MRPL49: variants seen among roughly 807,000 people sequenced by gnomAD.
MRPL49 encodes large ribosomal subunit protein mL49.
A neutral mutation model predicts 18.4 loss-of-function variants in MRPL49; 14 were observed. The ratio of observed to expected loss-of-function variants is 0.76; its 90% CI spans 0.50 to 1.19. The LOEUF is 1.19. Among genes scored for constraint, MRPL49 ranks in the 50% most tolerant of loss-of-function variants. The pLI is 0.00. For synonymous variants in MRPL49, 104 were observed against 86.2 expected, an observed-to-expected ratio of 1.21 and a Z score of -1.14; for missense variants, 190 against 217.8, an observed-to-expected ratio of 0.87 and a Z score of 0.80.
intron 1 of MRPL49, among the ~76,000 whole-genome samples, chr11:65,123,743 TAAAA>T (rs1948075396): frequency 6.6e-6 from 1 of 151,846 alleles, no homozygotes; most frequent in African/African-American, 2.4e-5. Context: ...AAAAAAATAA[TAAAA>T]ATAAATAAAG....
At chr11:65,122,555 G>C in intron 1 of MRPL49, 131 bp downstream of exon 1, 1 of 792,282 alleles carries the variant, frequency 1.3e-6, no homozygotes, top group Non-Finnish European at 2.0e-6. Flanking sequence ...AGGAGAACTT[G>C]TCCCGAGTGT....
rs758485139 is a variant in MRPL49 at position 65,124,565 on chromosome 11, G to T, written c.142G>T (p.Val48Leu). Residue 48 changes from valine (V) to leucine (L), a missense_variant, in exon 2 of 4, where the codon GTG (valine) becomes TTG (leucine). Physicochemically the swap from Val to Leu is conservative, Grantham distance 32 (BLOSUM62 1). Coordinates refer to ENST00000279242, the MANE Select transcript of MRPL49 (RefSeq NM_004927.4). Reference protein sequence around the residue: ...FVESVDEYQFVERLLPATRIP... With the variant: ...FVESVDEYQFLERLLPATRIP... ...GGAGTCTGTGGATGAATATCAGTTT[G>T]TGGAGCGCCTGTTACCGGCTACCAG... The T allele has an allele frequency of 3.1e-6, 5 of 1,614,078 alleles. No homozygotes were observed. The Admixed American group carries it at 8.3e-5, about 27-fold the overall frequency.
At chr11:65,122,465 G>A (rs1433452601) in intron 1 of MRPL49, 41 bp downstream of exon 1, 1 of 1,570,404 alleles carries the variant, frequency 6.4e-7, no homozygotes, top group South Asian at 1.1e-5. Flanking sequence ...TCGCGTGGGT[G>A]TGAGGCTCAG....
Position 65,126,694 on chromosome 11 carries a change from TAC to T in MRPL49, c.*824_*825del. 1 of 363,654 alleles carries T rather than the reference TAC, an allele frequency of 2.7e-6. No individual in the cohort carries two copies. 22.5% of individuals were successfully genotyped at this position (363,654 alleles called of 1,614,324 possible). ...GGTCTTGGAGATCTTCTGTTCAAAG[TAC>T]AGTGCTGGCACTGGGGCACAGAGTG... On this transcript the variant is annotated 3_prime_UTR_variant, in exon 4 of 4. Coordinates refer to ENST00000279242, the MANE Select transcript of MRPL49 (RefSeq NM_004927.4).
chr11:65,125,353 C>A, intron 2 of MRPL49, 135 bp from the exon 3 acceptor site: 1 of 1,120,302 alleles, frequency 8.9e-7, no homozygotes. Flanking sequence ...AAGAGGAGAC[C>A]CCCTGACCTA....
rs1948095411 is a variant in MRPL49, at chr11:65,125,809, CCTACGGATCAAGGG to C, written c.443_456del (p.Arg148LeufsTer2). Reference sequence around the variant, plus strand: ...CCCAGGTCAATGAGGTGACAGGTACCCTACGGATCAAGGGCTACTTTGACCAGGAGCTTAAAGCC... The same window carrying C: ...CCCAGGTCAATGAGGTGACAGGTACCCTACTTTGACCAGGAGCTTAAAGCC... On this transcript the variant is annotated frameshift_variant, in exon 4 of 4. Transcript: ENST00000279242. LOFTEE classifies it high-confidence loss of function. The C allele has an allele frequency of 5.0e-6, 8 of 1,612,678 alleles. No individual in the cohort carries two copies. The highest frequency in any genetic ancestry group is 1.3e-5 in the African/African-American group (1 of 74,868).
Position 65,122,321 on chromosome 11 carries a change from A to C in MRPL49, c.-26A>C, listed in dbSNP as rs780230031. ...GGGGCGGGACCAGACAGTTGCGCGC[A>C]CAGAAGGCTGGCGTAGCAGGTAAAG... On this transcript the variant is annotated 5_prime_UTR_variant, in exon 1 of 4. Coordinates refer to ENST00000279242, the MANE Select transcript of MRPL49 (RefSeq NM_004927.4). 6.2e-7 allele frequency: 1 copy of C among 1,608,506 alleles called. No homozygotes were observed. Among genetic ancestry groups the C allele is most frequent in the Non-Finnish European group, 8.5e-7 (1 of 1,177,928 alleles).
In MRPL49 at chr11:65,125,877, C is replaced by G; in HGVS notation, c.*5C>G. On this transcript the variant is annotated 3_prime_UTR_variant, in exon 4 of 4. Transcript: ENST00000279242. ...CTCTTGGAGAAAGGCTTCTGAGGCC[C>G]AGCCGAGCAGCCTGCTTGTCAGCAT... is the stretch of plus-strand genomic sequence containing the variant. 1 of 1,600,354 alleles carries G rather than the reference C, an allele frequency of 6.2e-7. No homozygotes were observed. Among genetic ancestry groups the G allele is most frequent in the Non-Finnish European group, 8.5e-7 (1 of 1,171,874 alleles).
At position 65,127,133 on chromosome 11, in the gene MRPL49, T is replaced by C; in HGVS notation, c.*1261T>C. The C allele has an allele frequency of 1.5e-6, 1 of 683,254 alleles. No homozygotes were observed. Among genetic ancestry groups the C allele is most frequent in the South Asian group, 1.6e-5 (1 of 64,252 alleles). The allele number at this position is 683,254 out of a possible 1,614,324, so 42.3% of individuals were successfully genotyped here. On this transcript the variant is annotated 3_prime_UTR_variant, in exon 4 of 4. Transcript: ENST00000279242. Reference sequence around the variant, plus strand: ...GTAAAATGGGCACATCTTCCTAATCTGTTAATGGTCAGTGGTGTCCCCAAG... The same window carrying C: ...GTAAAATGGGCACATCTTCCTAATCCGTTAATGGTCAGTGGTGTCCCCAAG...
rs1427196942 is a variant in MRPL49 at position 65,124,635 on chromosome 11, G to T, written c.212G>T (p.Gly71Val). The change falls in exon 2 of 4, where the codon GGC becomes GTC. Residue 71 changes from glycine (G) to valine (V), a missense_variant. Physicochemically the swap from Gly to Val is moderately radical, Grantham distance 109. Transcript: ENST00000279242. ...CATGAACATTATCCTACCCCTAGTG[G>T]CTGGCAGCCTCCCAGAGGTGAGCTG... ...PKHEHYPTPS[G>V]WQPPRDPPPN... 9 of 1,613,962 alleles carry T rather than the reference G, an allele frequency of 5.6e-6. No homozygotes were observed. Among genetic ancestry groups the T allele is most frequent in the Non-Finnish European group, 6.8e-6 (8 of 1,180,006 alleles).
rs186572747 is a variant in MRPL49 at position 65,127,106 on chromosome 11, G to C, written c.*1234G>C. Reference sequence around the variant, plus strand: ...ACTGAACTCTGGGCTGCTTCTCTGTGTGTAAAATGGGCACATCTTCCTAAT... The same window carrying C: ...ACTGAACTCTGGGCTGCTTCTCTGTCTGTAAAATGGGCACATCTTCCTAAT... On this transcript the variant is annotated 3_prime_UTR_variant, in exon 4 of 4. Transcript: ENST00000279242. 4.3e-6 allele frequency: 3 copies of C among 694,736 alleles called. No individual in the cohort carries two copies. In the East Asian group the frequency reaches 8.1e-5, roughly 19 times the overall value. 43.0% of individuals were successfully genotyped at this position (694,736 alleles called of 1,614,324 possible).
At chr11:65,124,407 C>T in intron 1 of MRPL49, 95 bp from the exon 2 acceptor site, 4 of 1,229,924 alleles carry the variant, frequency 3.3e-6, no homozygotes, top group Admixed American at 2.2e-5. Context: ...ATGTCATTCT[C>T]TCTGCCTGTA....
upstream of MRPL49, chr11:65,122,267 C>A: frequency 6.6e-6 from 10 of 1,514,812 alleles, no homozygotes; most frequent in Non-Finnish European, 8.1e-6. Flanking sequence ...CACCGGCGAA[C>A]CTGCCTGGGC....
In MRPL49 at chr11:65,127,316, T is replaced by G. The variant is rs1948113502; in HGVS notation, c.*1444T>G. ...GTTTTTATTTGGCTGTATATACAAT[T>G]TAAGCTATTAAAATTTGTACAATAT... On this transcript the variant is annotated 3_prime_UTR_variant, in exon 4 of 4. Coordinates refer to ENST00000279242, the MANE Select transcript of MRPL49 (RefSeq NM_004927.4). The G allele has an allele frequency of 2.4e-6, 1 of 420,112 alleles. No individual in the cohort carries two copies. Among genetic ancestry groups the G allele is most frequent in the Non-Finnish European group, 4.2e-6 (1 of 237,216 alleles). 26.0% of individuals were successfully genotyped at this position (420,112 alleles called of 1,614,324 possible). A position where few individuals can be genotyped will look rare whatever the true frequency, so the allele number is the denominator to read the frequency against.
Position 65,125,065 on chromosome 11 carries a change from T to A in MRPL49, c.229+413T>A, listed in dbSNP as rs369834894. 5.0e-4 allele frequency: 129 copies of A among 260,344 alleles called. 1 individual carries two copies. The East Asian group carries it at 8.2e-3, about 17-fold the overall frequency. The allele number at this position is 260,344 out of a possible 1,614,324, so 16.1% of individuals were successfully genotyped here. On this transcript the variant is annotated intron_variant, in intron 2 of 3. Coordinates refer to ENST00000279242, the MANE Select transcript of MRPL49 (RefSeq NM_004927.4). ...CTTGACCCAACCTGTTTTAGCAAAA[T>A]GGAGATAATCTGCTCAGTACATAGA...
In MRPL49 at chr11:65,123,599, T is replaced by C. The variant is rs371888059; in HGVS notation, c.79-903T>C. Among the ~76,000 whole-genome samples, 43 of 152,234 alleles carry C rather than the reference T, an allele frequency of 2.8e-4. No homozygotes were observed. In the South Asian group the frequency reaches 8.5e-3, roughly 30 times the overall value. On this transcript the variant is annotated intron_variant, in intron 1 of 3. Coordinates refer to ENST00000279242, the MANE Select transcript of MRPL49 (RefSeq NM_004927.4). ...AAATACAAAAATTAGCCGGGTGTGA[T>C]GGCGTGTGCCTGTAGTCCCAGCTAC...
chr11:65,127,083 T>C lies in MRPL49; in HGVS notation c.*1211T>C, dbSNP rs1398321402. On this transcript the variant is annotated 3_prime_UTR_variant, in exon 4 of 4. Coordinates refer to ENST00000279242, the MANE Select transcript of MRPL49 (RefSeq NM_004927.4). ...TGGTCTCTGCCCTGAAGCAGGGCACTGAACTCTGGGCTGCTTCTCTGTGTG... is the reference window on the plus strand; with the variant it reads ...TGGTCTCTGCCCTGAAGCAGGGCACCGAACTCTGGGCTGCTTCTCTGTGTG... The C allele has an allele frequency of 7.1e-6, 5 of 701,720 alleles. No individual in the cohort carries two copies. The highest frequency in any genetic ancestry group is 1.0e-5 in the Non-Finnish European group (4 of 384,662). The allele number at this position is 701,720 out of a possible 1,614,324, so 43.5% of individuals were successfully genotyped here. A position where few individuals can be genotyped will look rare whatever the true frequency, so the allele number is the denominator to read the frequency against.
chr11:65,125,282 C>T, intron 2 of MRPL49: 1 of 567,364 alleles, frequency 1.8e-6, no homozygotes, highest in Non-Finnish European at 3.0e-6. Context: ...TAGTGCCAGG[C>T]CCTGTGTGGG....
intron 1 of MRPL49, among the ~76,000 whole-genome samples, chr11:65,123,669 G>A (rs1324470354): frequency 6.6e-6 from 1 of 150,716 alleles, no homozygotes; most frequent in East Asian, 2.0e-4. Context: ...GGGAGGCGGA[G>A]GTTGCAGTGA....
Sources: gnomAD v4.1 joint callset for allele counts (sites outside exome capture counted in the v4.1 genomes callset) on GRCh38, gnomAD v4.1.1 for gene constraint, MANE v1.5 for transcripts, NCBI Gene and HGNC (gene_info 2026-07-23, HGNC 2026-07-21) for gene names.